The following PKHD1 variants were observed in gnomAD, a reference collection of about 807,000 sequenced individuals.
PKHD1 encodes fibrocystin.
PKHD1 carries 291 observed loss-of-function variants against 412.0 expected under a neutral mutation model. The ratio of observed to expected loss-of-function variants is 0.71; its 90% CI spans 0.64 to 0.78. The LOEUF (loss-of-function observed/expected upper bound fraction) is 0.78, where lower values mean the gene tolerates loss of function less well. Among genes scored for constraint, PKHD1 ranks in the 30% least tolerant of loss-of-function variants. The pLI, the probability that PKHD1 is intolerant of heterozygous loss-of-function variation, is 0.00. For missense variants in PKHD1, 4,825 were observed against 4,950.7 expected, an observed-to-expected ratio of 0.97 and a Z score of 0.76; for synonymous variants, 1,777 against 1,821.5, an observed-to-expected ratio of 0.98 and a Z score of 0.62.
intron 43 of PKHD1, among the ~76,000 whole-genome samples, chr6:51,898,193 C>G (rs1268410509): frequency 6.6e-6 from 1 of 152,140 alleles, no homozygotes; most frequent in Non-Finnish European, 1.5e-5. Flanking sequence ...CTCTCCACCT[C>G]AAATCAACAG....
chr6:51,936,057 C>A (rs1787427887), intron 36 of PKHD1, among the ~76,000 whole-genome samples: 1 of 152,142 alleles, frequency 6.6e-6, no homozygotes, highest in Admixed American at 6.6e-5. Context: ...CCTCTCCCCA[C>A]CAGAATACAT....
chr6:52,038,764 G>A (rs150358718), intron 27 of PKHD1, among the ~76,000 whole-genome samples: 191 of 152,218 alleles, frequency 1.3e-3, no homozygotes, highest in Non-Finnish European at 2.2e-3. Flanking sequence ...CTACATCTAA[G>A]AGCCAAAACT....
chr6:51,666,993 C>G (rs372935902), intron 60 of PKHD1, among the ~76,000 whole-genome samples: 1 of 149,250 alleles, frequency 6.7e-6, no homozygotes, highest in Non-Finnish European at 1.5e-5. Context: ...TGAATAATGC[C>G]GCAATAAACA....
At position 52,045,040 on chromosome 6, in the gene PKHD1, C is replaced by T. The variant is rs1489382420; in HGVS notation, c.2641G>A (p.Val881Met). Residue 881 changes from valine (V) to methionine (M), a missense_variant, in exon 25 of 67, where the codon GTG becomes ATG. Transcript: ENST00000371117. ...AGAAAAACTCCACCATCATATACCA[C>T]ACGCGTGGCTGCAGCAGGATTCACT... ...TGVNPAAATR[V>M]VYDGGVFLGP... 1.2e-6 allele frequency: 2 copies of T among 1,613,178 alleles called. No individual in the cohort carries two copies. The highest frequency in any genetic ancestry group is 3.3e-5 in the Admixed American group (2 of 59,994).
chr6:51,985,622 G>A (rs908892746), intron 35 of PKHD1, among the ~76,000 whole-genome samples: 19 of 152,118 alleles, frequency 1.2e-4, no homozygotes, highest in Non-Finnish European at 1.9e-4. Flanking sequence ...CCAGCTACTC[G>A]GGAGGCTGAG....
intron 60 of PKHD1, among the ~76,000 whole-genome samples, chr6:51,708,364 A>G (rs1490255873): frequency 6.6e-6 from 1 of 152,188 alleles, no homozygotes; most frequent in Non-Finnish European, 1.5e-5. Flanking sequence ...CTATGTCATT[A>G]TTCTGTACTG....
chr6:51,661,331 C>T (rs1367249453), intron 60 of PKHD1, among the ~76,000 whole-genome samples: 2 of 151,902 alleles, frequency 1.3e-5, no homozygotes, highest in African/African-American at 2.4e-5. Flanking sequence ...AATATCATAG[C>T]TCCATAATAG....
chr6:51,686,304 G>A (rs186787104), intron 60 of PKHD1, among the ~76,000 whole-genome samples: 1 of 152,242 alleles, frequency 6.6e-6, no homozygotes, highest in African/African-American at 2.4e-5. Context: ...CAAAGAACCA[G>A]AACGCTTTAC....
chr6:51,628,486 A>G (rs1285038414), intron 65 of PKHD1, among the ~76,000 whole-genome samples: 1 of 152,158 alleles, frequency 6.6e-6, no homozygotes, highest in Non-Finnish European at 1.5e-5. Flanking sequence ...GTTGATGAGC[A>G]TCTAGGTTGA....
chr6:51,983,303 ACAT>A (rs1309607101), intron 35 of PKHD1, among the ~76,000 whole-genome samples: 1 of 152,240 alleles, frequency 6.6e-6, no homozygotes, highest in Non-Finnish European at 1.5e-5. Context: ...TTAATCTGAA[ACAT>A]CATTATTGTG....
At chr6:51,980,466 A>G (rs923590648) in intron 35 of PKHD1, among the ~76,000 whole-genome samples, 5 of 152,248 alleles carry the variant, frequency 3.3e-5, no homozygotes, top group African/African-American at 7.2e-5. Flanking sequence ...TCATGTATCA[A>G]TTAATGAAGT....
At chr6:51,870,031 G>T (rs568598785) in intron 47 of PKHD1, among the ~76,000 whole-genome samples, 1 of 152,192 alleles carries the variant, frequency 6.6e-6, no homozygotes, top group Admixed American at 6.5e-5. Flanking sequence ...GTTTCCCTTT[G>T]TGCATACATC....
At chr6:51,933,811 T>A (rs376029230) in intron 37 of PKHD1, among the ~76,000 whole-genome samples, 1 of 152,230 alleles carries the variant, frequency 6.6e-6, no homozygotes. Context: ...AGGCTAAGTC[T>A]GCTCTTGCAA....
Position 51,772,777 on chromosome 6 carries a change from T to C in PKHD1, c.8567A>G (p.Lys2856Arg). 1 of 1,580,306 alleles carries C rather than the reference T, an allele frequency of 6.3e-7. No individual in the cohort carries two copies. The highest frequency in any genetic ancestry group is 8.7e-7 in the Non-Finnish European group (1 of 1,149,822). The change falls in exon 55 of 67, where the codon AAA becomes AGA. Residue 2856 changes from lysine to arginine, a missense_variant. Transcript: ENST00000371117. The stretch of plus-strand genomic sequence containing the variant: ...AGGATAAGCACTGTAAAGATGAACT[T>C]TCCCATAAACCCCTGAAAATAAAAG... ...IDPGTIGVYG[K>R]VHLYSAYPKN... is the part of the protein sequence containing the mutation.
At chr6:51,668,528 A>G (rs919322235) in intron 60 of PKHD1, among the ~76,000 whole-genome samples, 1 of 152,014 alleles carries the variant, frequency 6.6e-6, no homozygotes, top group African/African-American at 2.4e-5. Flanking sequence ...CTAATTGAAT[A>G]CCCTTTATTT....
At chr6:51,758,385 G>A (rs1787426130) in intron 55 of PKHD1, among the ~76,000 whole-genome samples, 1 of 152,134 alleles carries the variant, frequency 6.6e-6, no homozygotes, top group South Asian at 2.1e-4. Flanking sequence ...GGTTCTGCTA[G>A]TCAAATGTCA....
chr6:51,982,220 A>C (rs201427911), intron 35 of PKHD1, among the ~76,000 whole-genome samples: 1 of 10,702 alleles, frequency 9.3e-5, no homozygotes, highest in Non-Finnish European at 2.5e-4. Context: ...CAGCCGCCCC[A>C]TCCGGGAGGT....
intron 60 of PKHD1, among the ~76,000 whole-genome samples, chr6:51,675,303 T>TCC (rs1775660120): frequency 6.6e-6 from 1 of 152,198 alleles, no homozygotes; most frequent in Non-Finnish European, 1.5e-5. Context: ...CTGGATTTGT[T>TCC]TTCTTCCTGC....
chr6:51,779,672 T>C (rs1267454666), intron 53 of PKHD1, among the ~76,000 whole-genome samples: 1 of 152,110 alleles, frequency 6.6e-6, no homozygotes, highest in Non-Finnish European at 1.5e-5. Context: ...TTACAACTTT[T>C]AAGCATTTAT....
Sources: allele counts gnomAD v4.1 joint callset (sites outside exome capture counted in the v4.1 genomes callset), GRCh38; gene constraint gnomAD v4.1.1; transcripts MANE v1.5; gene names NCBI Gene and HGNC (gene_info 2026-07-23, HGNC 2026-07-21).